The following LIN7A variants were observed in gnomAD, a reference collection of about 807,000 sequenced individuals.
LIN7A encodes lin-7 cell polarity scaffold A.
LIN7A carries 25 observed loss-of-function variants against 29.8 expected under a neutral mutation model. The ratio of observed to expected loss-of-function variants is 0.84; its 90% CI spans 0.61 to 1.17. The LOEUF is 1.17. LIN7A is among the 50% of genes most tolerant of loss of function. LIN7A has a pLI of 0.00. For missense variants in LIN7A, 239 were observed against 287.0 expected, an observed-to-expected ratio of 0.83 and a Z score of 1.21; for synonymous variants, 118 against 107.5, an observed-to-expected ratio of 1.10 and a Z score of -0.60.
chr12:80,873,501 C>A (rs1271411796), intron 2 of LIN7A, among the ~76,000 whole-genome samples: 1 of 150,846 alleles, frequency 6.6e-6, no homozygotes, highest in Non-Finnish European at 1.5e-5. Context: ...CCACTGCACT[C>A]CAGCCTGGGC....
intron 4 of LIN7A, among the ~76,000 whole-genome samples, chr12:80,829,716 C>T (rs1872252710): frequency 6.6e-6 from 1 of 152,090 alleles, no homozygotes; most frequent in South Asian, 2.1e-4. Flanking sequence ...CTTTGTCTTT[C>T]TTCTTTGGTA....
At chr12:80,807,063 G>GT (rs71094991) in intron 5 of LIN7A, among the ~76,000 whole-genome samples, 721 of 53,552 alleles carry the variant, frequency 0.013, 77 homozygotes, top group African/African-American at 0.034. Flanking sequence ...TGAAGATGGA[G>GT]TTTTTTTTTT....
chr12:80,829,632 A>G (rs1224716180), intron 4 of LIN7A, among the ~76,000 whole-genome samples: 3 of 152,208 alleles, frequency 2.0e-5, no homozygotes, highest in African/African-American at 4.8e-5. Flanking sequence ...AGTGATCTCA[A>G]TCTTGATAGA....
chr12:80,935,542 T>C (rs1878164466), intron 1 of LIN7A, among the ~76,000 whole-genome samples: 1 of 152,226 alleles, frequency 6.6e-6, no homozygotes, highest in East Asian at 1.9e-4. Context: ...GGTTGCCTCT[T>C]TAAAAATGCA....
intron 4 of LIN7A, among the ~76,000 whole-genome samples, chr12:80,820,385 C>A (rs1323920075): frequency 6.6e-6 from 1 of 152,098 alleles, no homozygotes; most frequent in African/African-American, 2.4e-5. Context: ...ATCAGTAAGC[C>A]TGGGGGCAGA....
At chr12:80,875,544 G>A (rs1395421289) in intron 2 of LIN7A, among the ~76,000 whole-genome samples, 1 of 152,098 alleles carries the variant, frequency 6.6e-6, no homozygotes, top group Non-Finnish European at 1.5e-5. Context: ...ACTTTTCAAG[G>A]GTGGAAGCCA....
At chr12:80,821,423 T>A (rs1367512840) in intron 4 of LIN7A, among the ~76,000 whole-genome samples, 1 of 152,128 alleles carries the variant, frequency 6.6e-6, no homozygotes, top group Non-Finnish European at 1.5e-5. Flanking sequence ...AATACTTTAT[T>A]GTTAACAATG....
At chr12:80,808,797 G>T (rs1056643547) in intron 5 of LIN7A, among the ~76,000 whole-genome samples, 1 of 151,138 alleles carries the variant, frequency 6.6e-6, no homozygotes, top group Non-Finnish European at 1.5e-5. Context: ...GAGCCACCAC[G>T]CTTGGCTCCC....
chr12:80,848,544 AG>A (rs935979619), intron 2 of LIN7A, among the ~76,000 whole-genome samples: 4 of 152,148 alleles, frequency 2.6e-5, no homozygotes, highest in African/African-American at 9.7e-5. Context: ...AAAATGTAGT[AG>A]AAAAAAATTG....
chr12:80,827,268 T>A (rs376538478), intron 4 of LIN7A, among the ~76,000 whole-genome samples: 1 of 152,040 alleles, frequency 6.6e-6, no homozygotes, highest in African/African-American at 2.4e-5. Flanking sequence ...GTGCCTGTAG[T>A]CCCAGCTACT....
intron 4 of LIN7A, among the ~76,000 whole-genome samples, chr12:80,814,244 C>G (rs1871426900): frequency 6.6e-6 from 1 of 152,116 alleles, no homozygotes; most frequent in Admixed American, 6.5e-5. Flanking sequence ...TAAACTTTGA[C>G]AGCATCGTGC....
chr12:80,816,253 A>G (rs1361619579), intron 4 of LIN7A, among the ~76,000 whole-genome samples: 1 of 152,086 alleles, frequency 6.6e-6, no homozygotes, highest in Non-Finnish European at 1.5e-5. Context: ...AAGAATTTTT[A>G]TTTTTTAAAT....
intron 5 of LIN7A, among the ~76,000 whole-genome samples, chr12:80,803,415 T>C (rs1419673235): frequency 6.6e-6 from 1 of 152,206 alleles, no homozygotes; most frequent in East Asian, 1.9e-4. Context: ...TTTGATACCT[T>C]TGTCAAAAAT....
intron 4 of LIN7A, among the ~76,000 whole-genome samples, chr12:80,821,199 G>A (rs1592862213): frequency 6.6e-6 from 1 of 152,158 alleles, no homozygotes; most frequent in Non-Finnish European, 1.5e-5. Context: ...GGGGTCAGGA[G>A]GATCTGGATT....
intron 2 of LIN7A, among the ~76,000 whole-genome samples, chr12:80,883,322 T>C (rs1176651579): frequency 1.3e-5 from 2 of 152,224 alleles, no homozygotes; most frequent in African/African-American, 2.4e-5. Flanking sequence ...GTTTTCCTTC[T>C]ATGTTTTCAT....
At chr12:80,936,386 A>G (rs1027915956) in intron 1 of LIN7A, 31 of 152,306 alleles carry the variant, frequency 2.0e-4, no homozygotes, top group African/African-American at 7.5e-4. Flanking sequence ...CTCCAAATTA[A>G]AAACCTCAAA....
At chr12:80,856,704 C>A (rs1274434579) in intron 2 of LIN7A, among the ~76,000 whole-genome samples, 3 of 152,170 alleles carry the variant, frequency 2.0e-5, no homozygotes, top group East Asian at 3.8e-4. Context: ...CTTCAGTTAA[C>A]ACTCATTAAT....
At chr12:80,923,752 G>C (rs1240796267) in intron 1 of LIN7A, among the ~76,000 whole-genome samples, 1 of 152,144 alleles carries the variant, frequency 6.6e-6, no homozygotes. Flanking sequence ...TTCTATTACT[G>C]ACCTATGCAC....
intron 4 of LIN7A, among the ~76,000 whole-genome samples, chr12:80,828,940 TA>T (rs1202452070): frequency 6.6e-6 from 1 of 152,074 alleles, no homozygotes; most frequent in African/African-American, 2.4e-5. Context: ...AGGGACTCTT[TA>T]AAAAATCTGA....
Sources: gnomAD v4.1 joint callset for allele counts (sites outside exome capture counted in the v4.1 genomes callset) on GRCh38, gnomAD v4.1.1 for gene constraint, MANE v1.5 for transcripts, NCBI Gene and HGNC (gene_info 2026-07-23, HGNC 2026-07-21) for gene names.